Variants in URI1 observed in about 807,000 individuals in gnomAD.
The protein encoded by URI1 is unconventional prefoldin RPB5 interactor 1.
Under a neutral mutation model 60.2 loss-of-function variants are expected in URI1, and 39 were observed. That is an observed-to-expected ratio of 0.65 (90% confidence interval 0.50 to 0.85). The LOEUF is 0.85. Among genes scored for constraint, URI1 ranks in the 40% least tolerant of loss-of-function variants. The pLI is 0.00. For missense variants in URI1, 691 were observed against 665.9 expected (o/e 1.04, Z -0.42); for synonymous variants, 251 against 236.8 (o/e 1.06, Z -0.55).
At chr19:29,999,168 G>A (rs2055847835) in intron 4 of URI1, among the ~76,000 whole-genome samples, 1 of 151,964 alleles carries the variant, frequency 6.6e-6, no homozygotes, top group African/African-American at 2.4e-5. Flanking sequence ...GTCCAGTGAT[G>A]TGTATTCATT....
chr19:29,996,120 A>G (rs2055809064), intron 4 of URI1, among the ~76,000 whole-genome samples: 2 of 152,086 alleles, frequency 1.3e-5, no homozygotes, highest in East Asian at 1.9e-4. Flanking sequence ...GAATTTTAGA[A>G]TGGGCTTTTC....
intron 1 of URI1, among the ~76,000 whole-genome samples, chr19:29,928,435 G>C (rs1055273476): frequency 2.0e-5 from 3 of 152,100 alleles, no homozygotes; most frequent in Non-Finnish European, 2.9e-5. Flanking sequence ...GTCACGAAAC[G>C]CCCCTTTCCT....
At chr19:29,963,223 T>C (rs2055348607) in intron 1 of URI1, among the ~76,000 whole-genome samples, 1 of 152,218 alleles carries the variant, frequency 6.6e-6, no homozygotes, top group Non-Finnish European at 1.5e-5. Flanking sequence ...CTGCATTCTC[T>C]CTTCCCTTTC....
chr19:29,942,347 CG>C lies in URI1; in HGVS notation c.-199del. On this transcript the variant is annotated 5_prime_UTR_variant, in exon 1 of 11. Coordinates refer to ENST00000392271, the MANE Select transcript of URI1 (RefSeq NM_003796.3). Reference sequence around the variant, plus strand: ...CTCGGAGCCCGCTGCGGGGCGGCGGCGGCGGGGACATGCACGTGTGAGATGC... The same window carrying C: ...CTCGGAGCCCGCTGCGGGGCGGCGGCGCGGGGACATGCACGTGTGAGATGC... The C allele has an allele frequency of 3.0e-6, 3 of 984,832 alleles. No homozygotes were observed. The highest frequency in any genetic ancestry group is 3.6e-6 in the Non-Finnish European group (3 of 829,606). The allele number at this position is 984,832 out of a possible 1,614,324, so 61.0% of individuals were successfully genotyped here.
At chr19:29,943,982 C>G (rs998705343) in intron 1 of URI1, among the ~76,000 whole-genome samples, 1 of 149,924 alleles carries the variant, frequency 6.7e-6, no homozygotes, top group African/African-American at 2.5e-5. Context: ...CAAAAAAATA[C>G]AAAAAATTAG....
upstream of URI1, chr19:29,942,220 G>T (rs1176053760): frequency 1.1e-5 from 11 of 984,618 alleles, no homozygotes; most frequent in Non-Finnish European, 1.3e-5. Context: ...TGCTTCCGGC[G>T]TGCCGCGAGA....
At chr19:29,966,808 A>G (rs1343938280) in intron 1 of URI1, among the ~76,000 whole-genome samples, 1 of 152,222 alleles carries the variant, frequency 6.6e-6, no homozygotes, top group Non-Finnish European at 1.5e-5. Flanking sequence ...GGAGAAGCAA[A>G]CTATATAAAT....
rs552450401 is a variant in URI1 at position 29,969,911 on chromosome 19, T to C, written c.118-1282T>C. Among the ~76,000 whole-genome samples, 15 of 152,266 alleles carry C rather than the reference T, an allele frequency of 9.9e-5. No homozygotes were observed. In the South Asian group the frequency reaches 2.9e-3, roughly 29 times the overall value. On this transcript the variant is annotated intron_variant, in intron 1 of 10. Transcript: ENST00000392271. ...TATATATTGCCACTGTTATTAAGTGTTGCTATGTGATTGATACTTACTGAG... is the reference window on the plus strand; with the variant it reads ...TATATATTGCCACTGTTATTAAGTGCTGCTATGTGATTGATACTTACTGAG...
intron 2 of URI1, among the ~76,000 whole-genome samples, chr19:29,981,403 A>G (rs112191750): frequency 6.6e-6 from 1 of 151,814 alleles, no homozygotes; most frequent in African/African-American, 2.4e-5. Context: ...TGTTTCCCAT[A>G]GGTTCTGTCT....
intron 1 of URI1, among the ~76,000 whole-genome samples, chr19:29,935,248 T>C (rs1485803135): frequency 6.6e-6 from 1 of 152,148 alleles, no homozygotes; most frequent in Non-Finnish European, 1.5e-5. Flanking sequence ...CACCCTAATT[T>C]GAATAATACT....
chr19:29,952,549 A>ACCT (rs1304013225), intron 1 of URI1, among the ~76,000 whole-genome samples: 1 of 152,174 alleles, frequency 6.6e-6, no homozygotes. Context: ...ACAAAGATAA[A>ACCT]CCATTACAGA....
At chr19:29,953,287 C>T (rs2055202205) in intron 1 of URI1, among the ~76,000 whole-genome samples, 2 of 152,088 alleles carry the variant, frequency 1.3e-5, no homozygotes. Context: ...GGCCACATCT[C>T]AAGTGCTCAT....
chr19:29,994,508 G>T (rs922964126), intron 4 of URI1, among the ~76,000 whole-genome samples: 1 of 151,844 alleles, frequency 6.6e-6, no homozygotes, highest in South Asian at 2.1e-4. Flanking sequence ...TTACATAAGT[G>T]GAATCCTACA....
chr19:29,995,493 A>T (rs919333823), intron 4 of URI1, among the ~76,000 whole-genome samples: 1 of 151,122 alleles, frequency 6.6e-6, no homozygotes, highest in Non-Finnish European at 1.5e-5. Context: ...GTAATTTGCA[A>T]ATATTTTCTC....
chr19:29,984,900 T>A (rs1210070374), intron 2 of URI1, among the ~76,000 whole-genome samples: 2 of 151,542 alleles, frequency 1.3e-5, no homozygotes, highest in East Asian at 3.9e-4. Context: ...AGTGGGAGGA[T>A]CATGAGGTCA....
chr19:29,926,279 C>CCTTCCTTT (rs1222546482), intron 1 of URI1, among the ~76,000 whole-genome samples: 4 of 142,886 alleles, frequency 2.8e-5, no homozygotes, highest in Admixed American at 7.1e-5. Flanking sequence ...TTCCTTCCTT[C>CCTTCCTTT]CTTCCTACCT....
intron 4 of URI1, among the ~76,000 whole-genome samples, chr19:29,995,979 A>G (rs2055807532): frequency 6.6e-6 from 1 of 152,100 alleles, no homozygotes; most frequent in South Asian, 2.1e-4. Flanking sequence ...GTCTGTATTT[A>G]TGTTGGTACC....
At chr19:29,977,308 A>G (rs1434615387) in intron 2 of URI1, among the ~76,000 whole-genome samples, 1 of 152,134 alleles carries the variant, frequency 6.6e-6, no homozygotes, top group Non-Finnish European at 1.5e-5. Context: ...AGTATATTTC[A>G]TATGAATACC....
chr19:30,014,796 T>C, intron 10 of URI1, 91 bp from the exon 11 acceptor site: 1 of 1,307,710 alleles, frequency 7.6e-7, no homozygotes, highest in Non-Finnish European at 1.1e-6. Context: ...AATTTACTTT[T>C]AATGAAAAGA....
Sources: allele counts gnomAD v4.1 joint callset (sites outside exome capture counted in the v4.1 genomes callset), GRCh38; gene constraint gnomAD v4.1.1; transcripts MANE v1.5; gene names NCBI Gene and HGNC (gene_info 2026-07-23, HGNC 2026-07-21).